The following DLG2 variants were observed in gnomAD, a reference collection of about 807,000 sequenced individuals.
DLG2 encodes disks large homolog 2.
DLG2 carries 45 observed loss-of-function variants against 132.5 expected under a neutral mutation model. That is an observed-to-expected ratio of 0.34 (90% confidence interval 0.27 to 0.44). DLG2 has a LOEUF of 0.44. Ranked by LOEUF, DLG2 falls within the 20% of genes least tolerant of loss-of-function variation. DLG2 has a pLI of 1.00. For missense variants in DLG2, 1,045 were observed against 1,196.9 expected, an observed-to-expected ratio of 0.87 and a Z score of 1.87; for synonymous variants, 424 against 419.6, an observed-to-expected ratio of 1.01 and a Z score of -0.13.
intron 7 of DLG2, among the ~76,000 whole-genome samples, chr11:84,252,257 T>G (rs1598401033): frequency 6.7e-6 from 1 of 149,642 alleles, no homozygotes; most frequent in East Asian, 2.0e-4. Context: ...GTTCAACGAT[T>G]CTTCTGTCTC....
chr11:83,499,895 A>ATATATATATATACATCTATC (rs1296866569), intron 21 of DLG2, among the ~76,000 whole-genome samples: 1 of 114,554 alleles, frequency 8.7e-6, no homozygotes, highest in African/African-American at 3.5e-5. Context: ...ATATATATAT[A>ATATATATATATACATCTATC]TATCAGTTCT....
At chr11:84,208,864 G>A (rs1163524284) in intron 8 of DLG2, among the ~76,000 whole-genome samples, 1 of 152,140 alleles carries the variant, frequency 6.6e-6, no homozygotes, top group Non-Finnish European at 1.5e-5. Flanking sequence ...GAAAGTGGGA[G>A]TCTAGCTTCT....
intron 4 of DLG2, among the ~76,000 whole-genome samples, chr11:85,263,668 C>A (rs1232001097): frequency 6.6e-6 from 1 of 152,186 alleles, no homozygotes; most frequent in Non-Finnish European, 1.5e-5. Context: ...AGTGTTCAGA[C>A]GTCTTTCCCC....
chr11:85,309,611 T>G (rs1315171634), intron 3 of DLG2, among the ~76,000 whole-genome samples: 1 of 152,176 alleles, frequency 6.6e-6, no homozygotes, highest in Non-Finnish European at 1.5e-5. Flanking sequence ...CTTCATAGCC[T>G]GCTTATGTCT....
intron 19 of DLG2, among the ~76,000 whole-genome samples, chr11:83,601,957 T>C (rs1035330538): frequency 3.3e-5 from 5 of 152,184 alleles, no homozygotes; most frequent in Admixed American, 2.0e-4. Context: ...CCTACCAGAC[T>C]GTGTCCTGGT....
chr11:85,588,425 C>T (rs1406234041), intron 3 of DLG2, among the ~76,000 whole-genome samples: 1 of 152,066 alleles, frequency 6.6e-6, no homozygotes, highest in East Asian at 1.9e-4. Context: ...AAAGCCTTGT[C>T]TTCAAGCTCT....
In DLG2 at chr11:83,595,746, G is replaced by A. The variant is rs140283213; in HGVS notation, c.1940+37465C>T. On this transcript the variant is annotated intron_variant, in intron 19 of 27. Coordinates refer to ENST00000376104, the MANE Select transcript of DLG2 (RefSeq NM_001142699.3). ...ATGCAAGTTCATTTTAACATGTAAA[G>A]TATCACATTGCAAACAATTTATAGA... is the stretch of plus-strand genomic sequence containing the variant. 1.0e-3 allele frequency among the ~76,000 whole-genome samples: 158 copies of A among 152,278 alleles called. 1 individual carries two copies. Among genetic ancestry groups the A allele is most frequent in the South Asian group, 9.1e-3 (44 of 4,826 alleles).
chr11:85,488,891 A>G (rs2093493532), intron 3 of DLG2, among the ~76,000 whole-genome samples: 1 of 152,238 alleles, frequency 6.6e-6, no homozygotes, highest in African/African-American at 2.4e-5. Flanking sequence ...AACAACATTC[A>G]CCATCAAGAA....
At chr11:83,888,632 T>G (rs1363209605) in intron 15 of DLG2, among the ~76,000 whole-genome samples, 3 of 152,050 alleles carry the variant, frequency 2.0e-5, no homozygotes, top group Middle Eastern at 3.2e-3. Flanking sequence ...AAAAGAGCCC[T>G]CATCACCAAG....
At chr11:84,589,106 G>C (rs2099536781) in intron 6 of DLG2, among the ~76,000 whole-genome samples, 1 of 152,100 alleles carries the variant, frequency 6.6e-6, no homozygotes, top group African/African-American at 2.4e-5. Context: ...CTTTGGAGAG[G>C]GAGTGGAGAG....
intron 20 of DLG2, among the ~76,000 whole-genome samples, chr11:83,535,003 A>T (rs867580887): frequency 6.6e-6 from 1 of 152,206 alleles, no homozygotes; most frequent in Admixed American, 6.5e-5. Context: ...TTCCACCAAG[A>T]GTTTCTACTT....
chr11:84,800,357 C>T (rs1015087166), intron 6 of DLG2, among the ~76,000 whole-genome samples: 1 of 152,130 alleles, frequency 6.6e-6, no homozygotes, highest in African/African-American at 2.4e-5. Flanking sequence ...CAAAATGCAG[C>T]ATACAGAGCC....
intron 11 of DLG2, among the ~76,000 whole-genome samples, chr11:83,986,344 G>T (rs1019714881): frequency 4.6e-5 from 7 of 151,816 alleles, no homozygotes; most frequent in Admixed American, 1.3e-4. Context: ...TTTACTGAGA[G>T]TGATGATTTC....
At chr11:83,963,651 C>T (rs1404638332) in intron 13 of DLG2, among the ~76,000 whole-genome samples, 2 of 152,004 alleles carry the variant, frequency 1.3e-5, no homozygotes, top group Non-Finnish European at 1.5e-5. Context: ...TATTCTCTTA[C>T]TTAAATGTTC....
rs907392297 is a variant in DLG2 at position 84,116,082 on chromosome 11, C to T, written c.625-17035G>A. On this transcript the variant is annotated intron_variant, in intron 9 of 27. Transcript: ENST00000376104. ...ATGAGCTCAATATGTCCACCAAATT[C>T]GTGTGTTGGAAACTTAATCCGCAGT... 3.9e-5 allele frequency among the ~76,000 whole-genome samples: 6 copies of T among 152,268 alleles called. No individual in the cohort carries two copies. In the South Asian group the frequency reaches 1.0e-3, roughly 26 times the overall value.
chr11:83,709,356 T>C lies in DLG2; in HGVS notation c.1826-76031A>G, dbSNP rs77968182. ...TATATATACATATATATAATATATA[T>C]ACACACACACACACATATATATATA... On this transcript the variant is annotated intron_variant, in intron 18 of 27. Transcript: ENST00000376104. 6.8e-3 allele frequency among the ~76,000 whole-genome samples: 1,009 copies of C among 147,774 alleles called. 10 individuals are homozygous for C. The highest frequency in any genetic ancestry group is 0.023 in the African/African-American group (918 of 40,582).
At position 84,807,061 on chromosome 11, in the gene DLG2, C is replaced by T. The variant is rs545048036; in HGVS notation, c.358-272330G>A. On this transcript the variant is annotated intron_variant, in intron 6 of 27. Coordinates refer to ENST00000376104, the MANE Select transcript of DLG2 (RefSeq NM_001142699.3). The stretch of plus-strand genomic sequence containing the variant: ...CCAAACATACTCTAGGAAAATAAAA[C>T]GGGATTGCAAAAATTGTTCAAGTAA... Among the ~76,000 whole-genome samples the T allele has an allele frequency of 2.7e-4, 41 of 152,006 alleles. No individual in the cohort carries two copies. In the South Asian group the frequency reaches 3.5e-3, roughly 13 times the overall value.
chr11:84,303,318 A>C (rs908996913), intron 7 of DLG2, among the ~76,000 whole-genome samples: 1 of 152,218 alleles, frequency 6.6e-6, no homozygotes, highest in Non-Finnish European at 1.5e-5. Flanking sequence ...TAATAACCAT[A>C]ACTGTAACAG....
intron 3 of DLG2, among the ~76,000 whole-genome samples, chr11:85,394,292 AAT>A (rs2087085249): frequency 6.6e-6 from 1 of 152,234 alleles, no homozygotes; most frequent in Non-Finnish European, 1.5e-5. Context: ...GTACACCATA[AAT>A]ATATTTCATT....
Sources: allele counts gnomAD v4.1 joint callset (sites outside exome capture counted in the v4.1 genomes callset), GRCh38; gene constraint gnomAD v4.1.1; transcripts MANE v1.5; gene names NCBI Gene and HGNC (gene_info 2026-07-23, HGNC 2026-07-21).